Variants in FER observed in about 807,000 individuals in gnomAD.
The protein encoded by FER is FER tyrosine kinase, also known as tyrosine-protein kinase Fer.
In FER, 63 loss-of-function variants were observed where a neutral mutation model predicts 111.0. The observed-to-expected ratio is 0.57, with a 90% CI of 0.46 to 0.70. The LOEUF (loss-of-function observed/expected upper bound fraction) is 0.70, where lower values mean the gene tolerates loss of function less well. Ranked by LOEUF, FER falls within the 30% of genes least tolerant of loss-of-function variation. The pLI is 0.00. For missense variants in FER, 914 were observed against 954.0 expected, an observed-to-expected ratio of 0.96 and a Z score of 0.55; for synonymous variants, 327 against 313.9, an observed-to-expected ratio of 1.04 and a Z score of -0.44.
In FER at chr5:108,901,902, G is replaced by T. The variant is rs572725303; in HGVS notation, c.1236+4054G>T. On this transcript the variant is annotated intron_variant, in intron 10 of 19. Coordinates refer to ENST00000281092, the MANE Select transcript of FER (RefSeq NM_005246.4). Reference sequence around the variant, plus strand: ...GTAGTTTGAGACTGCAGTGTTCCACGATTGTGCCACTGCACTCCAGCCTGG... The same window carrying T: ...GTAGTTTGAGACTGCAGTGTTCCACTATTGTGCCACTGCACTCCAGCCTGG... Among the ~76,000 whole-genome samples the T allele has an allele frequency of 2.6e-5, 4 of 152,270 alleles. No homozygotes were observed. The South Asian group carries it at 8.3e-4, about 32-fold the overall frequency.
At chr5:108,749,277 C>T (rs1436507261) in intron 1 of FER, among the ~76,000 whole-genome samples, 1 of 152,154 alleles carries the variant, frequency 6.6e-6, no homozygotes, top group Non-Finnish European at 1.5e-5. Context: ...ACACACCCAG[C>T]CCCACGAGGG....
chr5:109,078,891 T>A (rs758734475), intron 16 of FER, among the ~76,000 whole-genome samples: 1 of 152,156 alleles, frequency 6.6e-6, no homozygotes, highest in African/African-American at 2.4e-5. Context: ...TTTTAATATA[T>A]AGCTTACCAG....
intron 17 of FER, among the ~76,000 whole-genome samples, chr5:109,126,265 A>C (rs766123716): frequency 6.6e-6 from 1 of 152,186 alleles, no homozygotes; most frequent in Non-Finnish European, 1.5e-5. Flanking sequence ...TTTTAAGTGC[A>C]CACGGAGTTA....
At chr5:108,786,526 A>C (rs1459471295) in intron 2 of FER, among the ~76,000 whole-genome samples, 1 of 151,998 alleles carries the variant, frequency 6.6e-6, no homozygotes, top group African/African-American at 2.4e-5. Context: ...TTTGAGACGG[A>C]GTCTTGCTCC....
intron 13 of FER, among the ~76,000 whole-genome samples, chr5:108,964,600 G>A (rs1473059256): frequency 1.3e-5 from 2 of 152,022 alleles, no homozygotes; most frequent in African/African-American, 4.8e-5. Context: ...GGAGATGAGC[G>A]CAGATTTGGA....
At chr5:108,919,237 T>C (rs971376275) in intron 10 of FER, among the ~76,000 whole-genome samples, 3 of 151,990 alleles carry the variant, frequency 2.0e-5, no homozygotes, top group Non-Finnish European at 4.4e-5. Flanking sequence ...AAATCAGAGT[T>C]GGATCTTGTA....
intron 13 of FER, among the ~76,000 whole-genome samples, chr5:109,004,391 T>A (rs1322830151): frequency 6.6e-6 from 1 of 152,168 alleles, no homozygotes; most frequent in Admixed American, 6.5e-5. Flanking sequence ...TTTCTAGGAA[T>A]GTATTATAAA....
chr5:109,013,045 T>A (rs1766507607), intron 13 of FER, among the ~76,000 whole-genome samples: 1 of 151,286 alleles, frequency 6.6e-6, no homozygotes, highest in Non-Finnish European at 1.5e-5. Context: ...TTTAGTGTTA[T>A]CATTGCTTTT....
At chr5:108,966,912 AAAC>A (rs1759928934) in intron 13 of FER, among the ~76,000 whole-genome samples, 1 of 152,176 alleles carries the variant, frequency 6.6e-6, no homozygotes, top group Non-Finnish European at 1.5e-5. Flanking sequence ...CATAGAACAA[AAAC>A]AACAAAAATT....
chr5:109,034,806 C>G (rs1315498948), intron 13 of FER, among the ~76,000 whole-genome samples: 2 of 152,048 alleles, frequency 1.3e-5, no homozygotes, highest in Non-Finnish European at 2.9e-5. Flanking sequence ...CAGTTTGCAA[C>G]TTTAAAATAA....
At chr5:108,865,211 T>G (rs1035345560) in intron 5 of FER, among the ~76,000 whole-genome samples, 3 of 152,158 alleles carry the variant, frequency 2.0e-5, no homozygotes, top group African/African-American at 7.2e-5. Context: ...TTTTGTATCC[T>G]GAGACTTTGC....
At chr5:108,753,378 A>G (rs1233182422) in intron 1 of FER, among the ~76,000 whole-genome samples, 5 of 152,150 alleles carry the variant, frequency 3.3e-5, no homozygotes, top group Non-Finnish European at 7.4e-5. Context: ...TTCTTTTTAT[A>G]AATCTTAGCT....
chr5:109,123,883 T>A (rs1198585036), intron 17 of FER, among the ~76,000 whole-genome samples: 2 of 152,220 alleles, frequency 1.3e-5, no homozygotes, highest in African/African-American at 4.8e-5. Flanking sequence ...GGGCTTATGT[T>A]GTTCTATGTT....
At chr5:108,809,243 C>T (rs546744501) in intron 3 of FER, among the ~76,000 whole-genome samples, 6 of 152,194 alleles carry the variant, frequency 3.9e-5, no homozygotes, top group Admixed American at 6.5e-5. Context: ...TTGTAGGTTT[C>T]GTTGCTTTAC....
intron 16 of FER, among the ~76,000 whole-genome samples, chr5:109,093,581 T>A (rs1475073956): frequency 6.6e-6 from 1 of 152,158 alleles, no homozygotes; most frequent in Non-Finnish European, 1.5e-5. Context: ...CTGATATCAT[T>A]GTTTTGGGGA....
chr5:109,014,611 C>T (rs1012950633), intron 13 of FER, among the ~76,000 whole-genome samples: 2 of 152,060 alleles, frequency 1.3e-5, no homozygotes, highest in African/African-American at 2.4e-5. Flanking sequence ...TTTTCCAATT[C>T]TGTGAAGAAA....
intron 16 of FER, among the ~76,000 whole-genome samples, chr5:109,083,131 G>C (rs17534626): frequency 0.18 from 26,938 of 151,854 alleles, 2,517 homozygotes; most frequent in Non-Finnish European, 0.21. Context: ...TATAAACTGT[G>C]CTTGAAACCT....
intron 13 of FER, among the ~76,000 whole-genome samples, chr5:109,005,218 G>A (rs544011109): frequency 1.3e-5 from 2 of 152,142 alleles, no homozygotes; most frequent in South Asian, 4.2e-4. Flanking sequence ...TGGATCTCAT[G>A]CTGGAATCTA....
intron 13 of FER, among the ~76,000 whole-genome samples, chr5:108,998,121 C>G (rs909472515): frequency 2.0e-5 from 3 of 150,668 alleles, no homozygotes; most frequent in Non-Finnish European, 2.9e-5. Flanking sequence ...CTGGCTTCAT[C>G]TCCCTTTCCC....
Sources: allele counts gnomAD v4.1 joint callset (sites outside exome capture counted in the v4.1 genomes callset), GRCh38; gene constraint gnomAD v4.1.1; transcripts MANE v1.5; gene names NCBI Gene and HGNC (gene_info 2026-07-23, HGNC 2026-07-21).